Variants in DGKD observed in about 807,000 individuals in gnomAD.
DGKD encodes the protein diacylglycerol kinase delta, also known as DAG kinase delta.
In DGKD, 68 loss-of-function variants were observed where a neutral mutation model predicts 154.4. The ratio of observed to expected loss-of-function variants is 0.44; its 90% CI spans 0.36 to 0.54. The LOEUF is 0.54. DGKD is among the 20% of genes least tolerant of loss of function. The probability of loss-of-function intolerance (pLI) is 0.00; values close to 1 mark genes in which losing one functional copy is unlikely to be tolerated. For missense variants in DGKD, 1,343 were observed against 1,593.6 expected, an observed-to-expected ratio of 0.84 and a Z score of 2.68; for synonymous variants, 693 against 638.0, an observed-to-expected ratio of 1.09 and a Z score of -1.30.
At chr2:233,422,065 C>T (rs2062136336) in intron 3 of DGKD, among the ~76,000 whole-genome samples, 1 of 152,194 alleles carries the variant, frequency 6.6e-6, no homozygotes, top group African/African-American at 2.4e-5. Flanking sequence ...GTAGGACCCC[C>T]GAGGGGCATG....
intron 28 of DGKD, among the ~76,000 whole-genome samples, chr2:233,467,938 G>T (rs2063877864): frequency 6.6e-6 from 1 of 152,186 alleles, no homozygotes; most frequent in African/African-American, 2.4e-5. Flanking sequence ...TGGTCCAGAA[G>T]TGAAATTTAA....
intron 27 of DGKD, 113 bp downstream of exon 27, chr2:233,464,396 G>A: frequency 7.1e-7 from 1 of 1,414,500 alleles, no homozygotes; most frequent in Admixed American, 2.0e-5. Flanking sequence ...TGTCGCTCCG[G>A]CAGCCCCTGA....
chr2:233,462,618 T>C (rs1380093087), intron 25 of DGKD, 25 bp from the exon 26 acceptor site: 2 of 1,607,808 alleles, frequency 1.2e-6, no homozygotes, highest in East Asian at 2.2e-5. Context: ...CCCGCCCCCA[T>C]GCATATTTGC....
At chr2:233,443,233 G>C (rs1244455224) in intron 10 of DGKD, among the ~76,000 whole-genome samples, 1 of 152,208 alleles carries the variant, frequency 6.6e-6, no homozygotes, top group Non-Finnish European at 1.5e-5. Context: ...AAAAATGTCT[G>C]ACCTTTACTT....
At chr2:233,357,713 T>C (rs1323824562) in intron 1 of DGKD, among the ~76,000 whole-genome samples, 2 of 152,026 alleles carry the variant, frequency 1.3e-5, no homozygotes, top group Non-Finnish European at 2.9e-5. Context: ...TTTTTGTATT[T>C]TGTTGTAGAG....
intron 1 of DGKD, among the ~76,000 whole-genome samples, chr2:233,356,096 G>A (rs1030915905): frequency 5.9e-5 from 9 of 152,332 alleles, no homozygotes; most frequent in Non-Finnish European, 1.3e-4. Flanking sequence ...TCGGGGCAGA[G>A]ACCTGCCCTG....
Position 233,457,516 on chromosome 2 carries a change from T to G in DGKD, c.2580+188T>G. ...TCGTCTAGAGGGCTGAGCAGAGCAGTTGTGTCAGTGAAGGTGGTCAGTGAG... is the reference window on the plus strand; with the variant it reads ...TCGTCTAGAGGGCTGAGCAGAGCAGGTGTGTCAGTGAAGGTGGTCAGTGAG... On this transcript the variant is annotated intron_variant, in intron 21 of 29. Coordinates refer to ENST00000264057, the MANE Select transcript of DGKD (RefSeq NM_152879.3). The surrounding 1 kb of genome is among the most constrained non-coding windows in gnomAD (Gnocchi z 5.5). The G allele has an allele frequency of 1.5e-6, 1 of 681,156 alleles. No homozygotes were observed. The highest frequency in any genetic ancestry group is 2.7e-6 in the Non-Finnish European group (1 of 371,050). The allele number at this position is 681,156 out of a possible 1,614,324, so 42.2% of individuals were successfully genotyped here.
At position 233,390,975 on chromosome 2, in the gene DGKD, C is replaced by T. The variant is rs573826878; in HGVS notation, c.348+492C>T. 1.2e-4 allele frequency among the ~76,000 whole-genome samples: 18 copies of T among 152,322 alleles called. No homozygotes were observed. In the East Asian group the frequency reaches 3.5e-3, roughly 29 times the overall value. ...CTCGAACTCCCAACCTCAGGTGATC[C>T]ACCCTCCTTGGCCTCCCAAAATCCT... On this transcript the variant is annotated intron_variant, in intron 3 of 29. Coordinates refer to ENST00000264057, the MANE Select transcript of DGKD (RefSeq NM_152879.3).
At chr2:233,461,737 T>G (rs1030514996) in intron 24 of DGKD, among the ~76,000 whole-genome samples, 2 of 152,260 alleles carry the variant, frequency 1.3e-5, no homozygotes, top group African/African-American at 4.8e-5. Context: ...GCGGCCTGTT[T>G]CCACAGGGTC....
chr2:233,384,472 C>T (rs991910276), intron 1 of DGKD, among the ~76,000 whole-genome samples: 3 of 152,156 alleles, frequency 2.0e-5, no homozygotes, highest in African/African-American at 7.2e-5. Flanking sequence ...TTCTACATCA[C>T]AGACCTGCAG....
rs536066024 is a variant in DGKD, at chr2:233,460,425, G to A, written c.2981+80G>A. On this transcript the variant is annotated intron_variant, in intron 24 of 29. Coordinates refer to ENST00000264057, the MANE Select transcript of DGKD (RefSeq NM_152879.3). ...TGCACTCTTCCAAGGCCCCTGGGGC[G>A]TGGAGCTGCTGCTCCTGACTTTTGT... is the stretch of plus-strand genomic sequence containing the variant. The A allele has an allele frequency of 4.8e-5, 73 of 1,532,008 alleles. No individual in the cohort carries two copies. The South Asian group carries it at 6.2e-4, about 13-fold the overall frequency. The allele number at this position is 1,532,008 out of a possible 1,614,324, so 94.9% of individuals were successfully genotyped here.
intron 2 of DGKD, among the ~76,000 whole-genome samples, chr2:233,390,043 TGAGA>T (rs1392289294): frequency 6.6e-6 from 1 of 152,170 alleles, no homozygotes; most frequent in Non-Finnish European, 1.5e-5. Context: ...AAACACTGTG[TGAGA>T]ACATACTTCA....
intron 3 of DGKD, among the ~76,000 whole-genome samples, chr2:233,428,746 CT>C (rs1240237393): frequency 3.9e-5 from 6 of 152,196 alleles, no homozygotes; most frequent in African/African-American, 1.4e-4. Flanking sequence ...TCTAGCATCA[CT>C]TTTCTTGACG....
chr2:233,356,668 T>C (rs553544448), intron 1 of DGKD, among the ~76,000 whole-genome samples: 3 of 152,300 alleles, frequency 2.0e-5, no homozygotes, highest in Non-Finnish European at 4.4e-5. Context: ...GGAGGAGTGA[T>C]GGGTAGACTG....
At chr2:233,422,138 G>A (rs2062138636) in intron 3 of DGKD, among the ~76,000 whole-genome samples, 1 of 152,208 alleles carries the variant, frequency 6.6e-6, no homozygotes, top group Admixed American at 6.5e-5. Flanking sequence ...CACCATCTCG[G>A]CCACTCCCAG....
chr2:233,399,916 G>C (rs2125478690), intron 3 of DGKD, among the ~76,000 whole-genome samples: 1 of 152,240 alleles, frequency 6.6e-6, no homozygotes, highest in South Asian at 2.1e-4. Context: ...GCTGTTGTTG[G>C]TACTTTTATT....
rs1432319704 is a variant in DGKD, at chr2:233,438,740, TATCTGTCTATCTA to T, written c.1085+362_1085+374del. On this transcript the variant is annotated intron_variant, in intron 9 of 29. Coordinates refer to ENST00000264057, the MANE Select transcript of DGKD (RefSeq NM_152879.3). The surrounding 1 kb of genome is among the most constrained non-coding windows in gnomAD (Gnocchi z 4.1). ...TTCTTTCATTTTATAATTTTTTATT[TATCTGTCTATCTA>T]TCATCTATCTATCTATCTATCTATC... 0.036 allele frequency among the ~76,000 whole-genome samples: 5,297 copies of T among 147,326 alleles called. 122 individuals are homozygous for T. The highest frequency in any genetic ancestry group is 0.041 in the South Asian group (194 of 4,708).
intron 3 of DGKD, among the ~76,000 whole-genome samples, chr2:233,429,459 AG>A (rs2062433455): frequency 6.6e-6 from 1 of 152,156 alleles, no homozygotes; most frequent in African/African-American, 2.4e-5. Context: ...GGCAGCTCCC[AG>A]TCTCCCATGA....
In DGKD at chr2:233,457,614, A is replaced by G; in HGVS notation, c.2580+286A>G. The G allele has an allele frequency of 1.8e-6, 1 of 553,524 alleles. No homozygotes were observed. Among genetic ancestry groups the G allele is most frequent in the Non-Finnish European group, 3.5e-6 (1 of 289,268 alleles). The allele number at this position is 553,524 out of a possible 1,614,324, so 34.3% of individuals were successfully genotyped here. On this transcript the variant is annotated intron_variant, in intron 21 of 29. Transcript: ENST00000264057. The surrounding 1 kb of genome is among the most constrained non-coding windows in gnomAD (Gnocchi z 5.5). Reference sequence around the variant, plus strand: ...GTCAGGGAAGGTGTCTGGGAGGCCAAGACCTGAAGGATGAGTTGGAGTTGG... The same window carrying G: ...GTCAGGGAAGGTGTCTGGGAGGCCAGGACCTGAAGGATGAGTTGGAGTTGG...
Sources: gnomAD v4.1 joint callset for allele counts (sites outside exome capture counted in the v4.1 genomes callset) on GRCh38, gnomAD v4.1.1 for gene constraint, Gnocchi (gnomAD v3.1) non-coding constraint, MANE v1.5 for transcripts, NCBI Gene and HGNC (gene_info 2026-07-23, HGNC 2026-07-21) for gene names.